PTPRT: variants seen among roughly 807,000 people sequenced by gnomAD.
The protein encoded by PTPRT is receptor-type tyrosine-protein phosphatase T.
Under a neutral mutation model 176.8 loss-of-function variants are expected in PTPRT, and 56 were observed. The observed-to-expected ratio is 0.32, with a 90% CI of 0.26 to 0.40. The LOEUF is 0.40. Among genes scored for constraint, PTPRT ranks in the 10% least tolerant of loss-of-function variants. PTPRT has a pLI of 1.00. For missense variants in PTPRT, 1,540 were observed against 1,908.2 expected, an observed-to-expected ratio of 0.81 and a Z score of 3.60; for synonymous variants, 783 against 739.0, an observed-to-expected ratio of 1.06 and a Z score of -0.96.
chr20:42,634,182 C>A (rs2074543947), intron 7 of PTPRT, among the ~76,000 whole-genome samples: 1 of 121,328 alleles, frequency 8.2e-6, no homozygotes, highest in South Asian at 2.4e-4. Context: ...TGATAACTGC[C>A]AATTCAGTCT....
intron 1 of PTPRT, among the ~76,000 whole-genome samples, chr20:43,128,254 A>G (rs1004838995): frequency 1.3e-5 from 2 of 152,234 alleles, no homozygotes; most frequent in African/African-American, 4.8e-5. Context: ...TTGAACACTT[A>G]CGGACATAAA....
chr20:43,054,992 A>AC (rs1394559389), intron 1 of PTPRT, among the ~76,000 whole-genome samples: 1 of 152,236 alleles, frequency 6.6e-6, no homozygotes, highest in East Asian at 1.9e-4. Context: ...GCAAAAAATA[A>AC]TAAATAGTGA....
chr20:42,378,141 A>G (rs1354349568), intron 9 of PTPRT, among the ~76,000 whole-genome samples: 4 of 152,220 alleles, frequency 2.6e-5, no homozygotes, highest in Non-Finnish European at 5.9e-5. Context: ...ACAGCACAGC[A>G]ACCCCCACAG....
Position 42,105,381 on chromosome 20 carries a change from G to T in PTPRT, c.3391-663C>A, listed in dbSNP as rs6072628. 4.6e-5 allele frequency among the ~76,000 whole-genome samples: 7 copies of T among 152,114 alleles called. No homozygotes were observed. In the East Asian group the frequency reaches 1.2e-3, roughly 25 times the overall value. On this transcript the variant is annotated intron_variant, in intron 24 of 30. Coordinates refer to ENST00000373187, the MANE Select transcript of PTPRT (RefSeq NM_007050.6). Reference sequence around the variant, plus strand: ...TTGTCTCACGATCTGCTCCCAAAACGTGTCATATCTTCTCCTATCTCAATT... The same window carrying T: ...TTGTCTCACGATCTGCTCCCAAAACTTGTCATATCTTCTCCTATCTCAATT...
At position 42,085,531 on chromosome 20, in the gene PTPRT, C is replaced by T. The variant is rs376200916; in HGVS notation, c.3972+197G>A. On this transcript the variant is annotated intron_variant, in intron 28 of 30. Transcript: ENST00000373187. Reference sequence around the variant, plus strand: ...AACAGGCAGATGGCAGGTTGGATGTCGCTCGTTGCATCTCTATGTGTTGGA... The same window carrying T: ...AACAGGCAGATGGCAGGTTGGATGTTGCTCGTTGCATCTCTATGTGTTGGA... Among the ~76,000 whole-genome samples, 8 of 152,116 alleles carry T rather than the reference C, an allele frequency of 5.3e-5. No individual in the cohort carries two copies. In the East Asian group the frequency reaches 9.6e-4, roughly 18 times the overall value.
chr20:42,075,305 A>G lies in PTPRT; in HGVS notation c.*5574T>C, dbSNP rs978868742. On this transcript the variant is annotated 3_prime_UTR_variant, in exon 31 of 31. Transcript: ENST00000373187. ...AGCCAAGTCAGGGATTTGAGATGACATGACTATCCACGTTTATGTTTTTTT... is the reference window on the plus strand; with the variant it reads ...AGCCAAGTCAGGGATTTGAGATGACGTGACTATCCACGTTTATGTTTTTTT... The G allele has an allele frequency of 8.6e-6, 2 of 232,982 alleles. No homozygotes were observed. The highest frequency in any genetic ancestry group is 2.2e-5 in the African/African-American group (1 of 45,330). 14.4% of individuals were successfully genotyped at this position (232,982 alleles called of 1,614,324 possible).
At chr20:42,430,614 G>A (rs1335560353) in intron 9 of PTPRT, among the ~76,000 whole-genome samples, 4 of 152,164 alleles carry the variant, frequency 2.6e-5, no homozygotes, top group Admixed American at 6.5e-5. Flanking sequence ...ACCTGGCTGC[G>A]AGTCCTTCAA....
intron 1 of PTPRT, among the ~76,000 whole-genome samples, chr20:42,992,791 C>G (rs1006985779): frequency 4.6e-5 from 7 of 152,190 alleles, no homozygotes; most frequent in Non-Finnish European, 1.0e-4. Context: ...CAACTGCAAT[C>G]ACATAGAGAC....
At chr20:42,986,097 G>GA (rs1397349442) in intron 1 of PTPRT, among the ~76,000 whole-genome samples, 2 of 151,918 alleles carry the variant, frequency 1.3e-5, no homozygotes, top group Admixed American at 6.5e-5. Context: ...AGAGCAGCAG[G>GA]AAAAAAAGGA....
intron 7 of PTPRT, among the ~76,000 whole-genome samples, chr20:42,479,905 C>T (rs2071355973): frequency 6.6e-6 from 1 of 152,120 alleles, no homozygotes; most frequent in African/African-American, 2.4e-5. Flanking sequence ...GCATAGGAAT[C>T]CAGGAGCTCC....
the PTPRT span, among the ~76,000 whole-genome samples, chr20:42,033,595 G>A: frequency 1.3e-5 from 2 of 152,272 alleles, no homozygotes; most frequent in East Asian, 3.9e-4. Flanking sequence ...ATGATGCATG[G>A]TTAAGAGGGA....
intron 12 of PTPRT, among the ~76,000 whole-genome samples, chr20:42,315,220 C>T (rs904936415): frequency 7.6e-5 from 2 of 26,216 alleles, no homozygotes; most frequent in African/African-American, 2.9e-4. Flanking sequence ...AAAATGGTTA[C>T]CTTGTTTTTG....
At chr20:42,457,251 G>T (rs2070940145) in intron 8 of PTPRT, among the ~76,000 whole-genome samples, 1 of 152,044 alleles carries the variant, frequency 6.6e-6, no homozygotes, top group South Asian at 2.1e-4. Context: ...AAATAAATAA[G>T]AATAATAAAT....
chr20:42,119,981 A>G lies in PTPRT; in HGVS notation c.2848-10T>C. 6.2e-7 allele frequency: 1 copy of G among 1,607,360 alleles called. No individual in the cohort carries two copies. Among genetic ancestry groups the G allele is most frequent in the Non-Finnish European group, 8.5e-7 (1 of 1,176,692 alleles). On this transcript the variant is annotated splice_polypyrimidine_tract_variant and intron_variant, in intron 19 of 30. Coordinates refer to ENST00000373187, the MANE Select transcript of PTPRT (RefSeq NM_007050.6). ...GAGGTCGATGGTATCCCTGGATAAC[A>G]GGAGAAAAGCACTGTGAAGAGTCTG...
At chr20:42,867,072 C>G (rs1298155342) in intron 2 of PTPRT, among the ~76,000 whole-genome samples, 1 of 152,232 alleles carries the variant, frequency 6.6e-6, no homozygotes, top group Non-Finnish European at 1.5e-5. Context: ...TTTGAGGTAT[C>G]TCACTGGAAG....
At chr20:43,117,131 G>A (rs1037748143) in intron 1 of PTPRT, among the ~76,000 whole-genome samples, 1 of 151,982 alleles carries the variant, frequency 6.6e-6, no homozygotes, top group Non-Finnish European at 1.5e-5. Flanking sequence ...TGCTTCTTAC[G>A]GCCTGGGTAC....
At chr20:43,173,445 C>CAAAT (rs1315514418) in intron 1 of PTPRT, among the ~76,000 whole-genome samples, 1 of 152,236 alleles carries the variant, frequency 6.6e-6, no homozygotes, top group Non-Finnish European at 1.5e-5. Context: ...ATGCATCCTA[C>CAAAT]AAATGCAAAA....
At chr20:42,337,436 A>AT (rs2058055933) in intron 11 of PTPRT, among the ~76,000 whole-genome samples, 2 of 152,084 alleles carry the variant, frequency 1.3e-5, no homozygotes, top group Admixed American at 1.3e-4. Context: ...ACAGGGGATT[A>AT]TTTTTTCTAC....
intron 7 of PTPRT, among the ~76,000 whole-genome samples, chr20:42,580,680 T>G (rs552324658): frequency 1.3e-5 from 2 of 152,296 alleles, no homozygotes; most frequent in African/African-American, 4.8e-5. Flanking sequence ...TGAATGGGAA[T>G]TCACTCATGA....
Sources: gnomAD v4.1 joint callset for allele counts (sites outside exome capture counted in the v4.1 genomes callset) on GRCh38, gnomAD v4.1.1 for gene constraint, MANE v1.5 for transcripts, NCBI Gene and HGNC (gene_info 2026-07-23, HGNC 2026-07-21) for gene names.